The following HADHA variants were observed in gnomAD, a reference collection of about 807,000 sequenced individuals.
HADHA encodes trifunctional enzyme subunit alpha, mitochondrial.
HADHA carries 59 observed loss-of-function variants against 91.3 expected under a neutral mutation model. The observed-to-expected ratio is 0.65, with a 90% CI of 0.52 to 0.80. The LOEUF (loss-of-function observed/expected upper bound fraction) is 0.80, where lower values mean the gene tolerates loss of function less well. Ranked by LOEUF, HADHA falls within the 30% of genes least tolerant of loss-of-function variation. HADHA has a pLI of 0.00. For missense variants in HADHA, 800 were observed against 927.6 expected (o/e 0.86, Z 1.79); for synonymous variants, 320 against 338.9 (o/e 0.94, Z 0.61).
intron 11 of HADHA, 74 bp downstream of exon 11, chr2:26,209,706 T>C: frequency 2.5e-6 from 2 of 814,192 alleles, no homozygotes; most frequent in Non-Finnish European, 4.4e-6. Flanking sequence ...TCTAGCTCTG[T>C]AGATCTTCAA....
intron 7 of HADHA, among the ~76,000 whole-genome samples, chr2:26,216,263 T>A (rs370518196): frequency 7.3e-5 from 11 of 151,552 alleles, no homozygotes; most frequent in African/African-American, 2.4e-4. Context: ...AAATCCCAAC[T>A]GAGGGAACCC....
At chr2:26,198,490 G>T (rs1371608331) in intron 13 of HADHA, among the ~76,000 whole-genome samples, 1 of 151,252 alleles carries the variant, frequency 6.6e-6, no homozygotes, top group East Asian at 1.9e-4. Context: ...TTTTTATTCA[G>T]ATGGTTGGAT....
chr2:26,207,960 C>A (rs928158752), intron 11 of HADHA, among the ~76,000 whole-genome samples: 2 of 151,992 alleles, frequency 1.3e-5, no homozygotes, highest in Admixed American at 1.3e-4. Context: ...AGGGGGACAC[C>A]CTATCTACAA....
intron 7 of HADHA, among the ~76,000 whole-genome samples, chr2:26,222,403 C>G (rs555872518): frequency 6.6e-6 from 1 of 152,296 alleles, no homozygotes; most frequent in Non-Finnish European, 1.5e-5. Context: ...GGGAATAGGT[C>G]AGTGGATAGA....
intron 18 of HADHA, among the ~76,000 whole-genome samples, 167 bp downstream of exon 18, chr2:26,192,143 G>A (rs1027570520): frequency 5.3e-5 from 8 of 151,194 alleles, no homozygotes; most frequent in African/African-American, 1.9e-4. Context: ...TGGTCACAAA[G>A]AAAATGGAAG....
intron 12 of HADHA, 121 bp downstream of exon 12, chr2:26,203,940 GA>G: frequency 7.1e-6 from 7 of 991,316 alleles, no homozygotes; most frequent in Admixed American, 1.7e-5. Flanking sequence ...TTATGTTCAG[GA>G]AAAAGGAATC....
chr2:26,212,357 G>A (rs111913178), intron 10 of HADHA: 2 of 563,326 alleles, frequency 3.6e-6, no homozygotes, highest in Non-Finnish European at 6.4e-6. Flanking sequence ...AGAATGTTGG[G>A]ATTACAGGGG....
At chr2:26,228,401 G>GA (rs1195440856) in intron 7 of HADHA, among the ~76,000 whole-genome samples, 1 of 152,202 alleles carries the variant, frequency 6.6e-6, no homozygotes, top group Non-Finnish European at 1.5e-5. Context: ...AAAGTGCTGG[G>GA]ATTAGAGGCT....
chr2:26,212,647 T>A, intron 9 of HADHA, 21 bp from the exon 10 acceptor site: 1 of 1,527,716 alleles, frequency 6.5e-7, no homozygotes, highest in Admixed American at 1.7e-5. Flanking sequence ...TATAAAGCAC[T>A]TGCTCAGCGT....
chr2:26,198,377 T>TG (rs1008246750), intron 13 of HADHA, among the ~76,000 whole-genome samples: 4 of 151,358 alleles, frequency 2.6e-5, no homozygotes, highest in Admixed American at 1.3e-4. Context: ...ATGTTTTTTT[T>TG]TTGTTTTTTT....
At position 26,206,797 on chromosome 2, in the gene HADHA, G is replaced by A. The variant is rs188836913; in HGVS notation, c.1086-2601C>T. ...TAATTCGTCAACAGGGGATTAAAAG[G>A]AAGGAGTTACCTGATATGTACTAAT... On this transcript the variant is annotated intron_variant, in intron 11 of 19. Coordinates refer to ENST00000380649, the MANE Select transcript of HADHA (RefSeq NM_000182.5). Among the ~76,000 whole-genome samples the A allele has an allele frequency of 8.2e-3, 1,246 of 152,226 alleles. 8 individuals are homozygous for A. The highest frequency in any genetic ancestry group is 0.012 in the Non-Finnish European group (803 of 67,970).
chr2:26,217,033 G>C (rs1670239138), intron 7 of HADHA, among the ~76,000 whole-genome samples: 1 of 152,192 alleles, frequency 6.6e-6, no homozygotes, highest in African/African-American at 2.4e-5. Context: ...AATTCATGCT[G>C]TATGTTACAG....
rs749528232 is a variant in HADHA, at chr2:26,214,601, C to G, written c.800-40G>C. On this transcript the variant is annotated intron_variant, in intron 8 of 19. Transcript: ENST00000380649. This position sits in a 1 kb window ranked among gnomAD's most constrained non-coding sequence, Gnocchi z 4.1. ...GCTTTTAGATATTTACTATAAAGAG[C>G]CTAGATTCCCTTGTTAGTTTATGCT... 1 of 1,024,538 alleles carries G rather than the reference C, an allele frequency of 9.8e-7. No homozygotes were observed. Among genetic ancestry groups the G allele is most frequent in the Non-Finnish European group, 1.6e-6 (1 of 643,044 alleles). The allele number at this position is 1,024,538 out of a possible 1,614,324, so 63.5% of individuals were successfully genotyped here. A position where few individuals can be genotyped will look rare whatever the true frequency, so the allele number is the denominator to read the frequency against.
At chr2:26,194,485 G>A in intron 16 of HADHA, 85 bp downstream of exon 16, 1 of 876,146 alleles carries the variant, frequency 1.1e-6, no homozygotes, top group Non-Finnish European at 2.0e-6. Flanking sequence ...TCAGAAGGAA[G>A]CTTGGTCCTT....
At chr2:26,237,107 A>G (rs1670782072) in intron 3 of HADHA, 119 bp from the exon 4 acceptor site, 1 of 812,222 alleles carries the variant, frequency 1.2e-6, no homozygotes, top group Admixed American at 1.8e-5. Flanking sequence ...ATATACTGTT[A>G]GAAGAGAGTA....
intron 11 of HADHA, among the ~76,000 whole-genome samples, chr2:26,209,292 T>A (rs926993941): frequency 6.6e-6 from 1 of 152,184 alleles, no homozygotes; most frequent in Non-Finnish European, 1.5e-5. Flanking sequence ...CAGCGTAATA[T>A]GGAAAAAGGC....
At chr2:26,238,449 C>T (rs763877255) in intron 3 of HADHA, among the ~76,000 whole-genome samples, 7 of 152,158 alleles carry the variant, frequency 4.6e-5, no homozygotes, top group Admixed American at 1.3e-4. Context: ...AGTTTCAATT[C>T]GAACAGAACT....
chr2:26,197,793 A>AT lies in HADHA; in HGVS notation c.1393-17dup, dbSNP rs779501172. 11 of 1,263,210 alleles carry AT rather than the reference A, an allele frequency of 8.7e-6. No individual in the cohort carries two copies. The Admixed American group carries it at 1.2e-4, about 13-fold the overall frequency. 78.3% of individuals were successfully genotyped at this position (1,263,210 alleles called of 1,614,324 possible). A position where few individuals can be genotyped will look rare whatever the true frequency, so the allele number is the denominator to read the frequency against. ...CTGGAATCACCTGCAGGGGAAAAGC[A>AT]TTTAACAATGTGTCAGGTAGGCCTG... On this transcript the variant is annotated splice_polypyrimidine_tract_variant and intron_variant, in intron 13 of 19. Transcript: ENST00000380649.
intron 7 of HADHA, among the ~76,000 whole-genome samples, chr2:26,225,522 T>C (rs551084056): frequency 6.6e-6 from 1 of 151,982 alleles, no homozygotes; most frequent in Non-Finnish European, 1.5e-5. Flanking sequence ...TCCCTCATGA[T>C]GACATAAAAA....
Sources: gnomAD v4.1 joint callset for allele counts (sites outside exome capture counted in the v4.1 genomes callset) on GRCh38, gnomAD v4.1.1 for gene constraint, Gnocchi (gnomAD v3.1) non-coding constraint, MANE v1.5 for transcripts, NCBI Gene and HGNC (gene_info 2026-07-23, HGNC 2026-07-21) for gene names.